The following CADM2 variants were observed in gnomAD, a reference collection of about 807,000 sequenced individuals.
The protein encoded by CADM2 is cell adhesion molecule 2, also known as immunoglobulin superfamily member 4D.
A neutral mutation model predicts 49.8 loss-of-function variants in CADM2; 12 were observed. The ratio of observed to expected loss-of-function variants is 0.24; its 90% CI spans 0.15 to 0.39. The LOEUF (loss-of-function observed/expected upper bound fraction) is 0.39. Ranked by LOEUF, CADM2 falls within the 10% of genes least tolerant of loss-of-function variation. The pLI is 1.00. For missense variants in CADM2, 378 were observed against 492.3 expected (o/e 0.77, Z 2.20); for synonymous variants, 214 against 175.4 (o/e 1.22, Z -1.74).
intron 8 of CADM2, among the ~76,000 whole-genome samples, chr3:85,976,257 T>A (rs73843560): frequency 0.066 from 9,999 of 151,488 alleles, 889 homozygotes; most frequent in African/African-American, 0.2. Context: ...GTGTAAGAGG[T>A]TTAAAAATGT....
chr3:85,016,193 G>A (rs1435608775), intron 1 of CADM2, among the ~76,000 whole-genome samples: 1 of 152,168 alleles, frequency 6.6e-6, no homozygotes, highest in Non-Finnish European at 1.5e-5. Context: ...CACTTCAAGT[G>A]TAGTATAATG....
intron 8 of CADM2, among the ~76,000 whole-genome samples, chr3:86,042,955 A>G (rs1261086713): frequency 1.3e-5 from 2 of 152,218 alleles, no homozygotes; most frequent in Non-Finnish European, 2.9e-5. Flanking sequence ...AATCCAGCAT[A>G]TAAACAGAAC....
intron 1 of CADM2, among the ~76,000 whole-genome samples, chr3:85,198,199 A>G (rs1322451230): frequency 1.3e-5 from 2 of 151,866 alleles, no homozygotes; most frequent in Non-Finnish European, 2.9e-5. Flanking sequence ...ATTCTCTTCC[A>G]GTAGTTAGAG....
At position 85,915,503 on chromosome 3, in the gene CADM2, T is replaced by C. The variant is rs566456635; in HGVS notation, c.700+2960T>C. Among the ~76,000 whole-genome samples, 29 of 152,204 alleles carry C rather than the reference T, an allele frequency of 1.9e-4. No homozygotes were observed. In the South Asian group the frequency reaches 5.6e-3, roughly 29 times the overall value. On this transcript the variant is annotated intron_variant, in intron 6 of 9. Coordinates refer to ENST00000383699, the MANE Select transcript of CADM2 (RefSeq NM_001167675.2). ...ATGAGTAGAGGATGGAAAGGAGACA[T>C]TGAGCAACAGTCAGCATCAATATTA...
intron 1 of CADM2, among the ~76,000 whole-genome samples, chr3:85,408,952 A>G (rs184128253): frequency 1.1e-4 from 16 of 152,288 alleles, no homozygotes; most frequent in Admixed American, 2.6e-4. Context: ...AAAAAAAACT[A>G]CATTATGGCA....
chr3:85,573,302 C>T (rs1296219298), intron 1 of CADM2, among the ~76,000 whole-genome samples: 1 of 151,930 alleles, frequency 6.6e-6, no homozygotes, highest in East Asian at 1.9e-4. Flanking sequence ...AAGTGATTCT[C>T]ATGCCTCAGC....
intron 1 of CADM2, among the ~76,000 whole-genome samples, chr3:85,222,764 A>G (rs2042071309): frequency 1.3e-5 from 2 of 152,178 alleles, no homozygotes; most frequent in Non-Finnish European, 2.9e-5. Flanking sequence ...ATATAATGCT[A>G]GCATTTACTA....
intron 5 of CADM2, among the ~76,000 whole-genome samples, chr3:85,888,823 T>C (rs565111076): frequency 3.5e-4 from 54 of 152,292 alleles, no homozygotes; most frequent in Non-Finnish European, 6.5e-4. Context: ...CTTCCATCTT[T>C]TAGCAAACCC....
intron 3 of CADM2, among the ~76,000 whole-genome samples, chr3:85,847,475 T>C (rs2074932073): frequency 2.0e-5 from 3 of 152,190 alleles, no homozygotes; most frequent in African/African-American, 7.2e-5. Flanking sequence ...GTGCTTCAGA[T>C]GGGAAATGTT....
intron 1 of CADM2, among the ~76,000 whole-genome samples, chr3:85,617,633 G>A (rs1369590381): frequency 1.3e-5 from 2 of 152,026 alleles, no homozygotes; most frequent in African/African-American, 2.4e-5. Context: ...CCCTTTCCTC[G>A]GAGTTTGGGG....
rs143593817 is a variant in CADM2 at position 86,063,592 on chromosome 3, G to A, written c.971-2013G>A. On this transcript the variant is annotated intron_variant, in intron 8 of 9. Coordinates refer to ENST00000383699, the MANE Select transcript of CADM2 (RefSeq NM_001167675.2). ...CCATCGGGGATACATAGCTTTTATA[G>A]TCCACATTTTGCATTCAGCAAGTTT... Among the ~76,000 whole-genome samples, 218 of 152,274 alleles carry A rather than the reference G, an allele frequency of 1.4e-3. 3 individuals are homozygous for A. The highest frequency in any genetic ancestry group is 5.0e-3 in the African/African-American group (206 of 41,552).
intron 1 of CADM2, among the ~76,000 whole-genome samples, chr3:85,564,034 T>G (rs1417732815): frequency 3.3e-5 from 5 of 152,164 alleles, no homozygotes; most frequent in Non-Finnish European, 7.4e-5. Context: ...GTTTTGCCTT[T>G]CCAATAAGAT....
chr3:85,686,345 A>T, intron 1 of CADM2, among the ~76,000 whole-genome samples: 1 of 152,204 alleles, frequency 6.6e-6, no homozygotes, highest in Non-Finnish European at 1.5e-5. Context: ...GTTGCCTTCT[A>T]TGAATTTTTA....
chr3:85,621,830 G>A (rs1184468655), intron 1 of CADM2, among the ~76,000 whole-genome samples: 2 of 152,138 alleles, frequency 1.3e-5, no homozygotes, highest in African/African-American at 2.4e-5. Context: ...CAAGTTGTCA[G>A]ACTGATGTGC....
At chr3:85,177,780 G>C (rs550265873) in intron 1 of CADM2, among the ~76,000 whole-genome samples, 5 of 151,804 alleles carry the variant, frequency 3.3e-5, no homozygotes, top group Non-Finnish European at 5.9e-5. Flanking sequence ...CAATACTGTT[G>C]GATGAGTAGT....
At chr3:85,585,474 T>G (rs959963775) in intron 1 of CADM2, among the ~76,000 whole-genome samples, 1 of 151,804 alleles carries the variant, frequency 6.6e-6, no homozygotes, top group African/African-American at 2.4e-5. Flanking sequence ...ATTCATGAAA[T>G]TGTGAAGAAG....
chr3:85,113,569 C>G (rs2038534209), intron 1 of CADM2, among the ~76,000 whole-genome samples: 1 of 151,728 alleles, frequency 6.6e-6, no homozygotes, highest in South Asian at 2.1e-4. Flanking sequence ...CAAAATAATA[C>G]AATTTAATCC....
At chr3:85,197,942 GT>G (rs1172763930) in intron 1 of CADM2, among the ~76,000 whole-genome samples, 1 of 151,798 alleles carries the variant, frequency 6.6e-6, no homozygotes, top group Non-Finnish European at 1.5e-5. Flanking sequence ...AAGTCAGGTT[GT>G]TTTGCTGATC....
chr3:85,652,336 C>T lies in CADM2; in HGVS notation c.62-74186C>T, dbSNP rs533837540. ...TGTCTTGCATCATAACAAATTACCC[C>T]AAAACTCAATGACTTAAAACAATGC... On this transcript the variant is annotated intron_variant, in intron 1 of 9. Coordinates refer to ENST00000383699, the MANE Select transcript of CADM2 (RefSeq NM_001167675.2). Among the ~76,000 whole-genome samples the T allele has an allele frequency of 7.2e-5, 11 of 152,176 alleles. No individual in the cohort carries two copies. The South Asian group carries it at 2.3e-3, about 32-fold the overall frequency.
Sources: gnomAD v4.1 joint callset for allele counts (sites outside exome capture counted in the v4.1 genomes callset) on GRCh38, gnomAD v4.1.1 for gene constraint, MANE v1.5 for transcripts, NCBI Gene and HGNC (gene_info 2026-07-23, HGNC 2026-07-21) for gene names.